Variants in IQANK1 observed in about 807,000 individuals in gnomAD.
The protein encoded by IQANK1 is IQ motif and ankyrin repeat domain-containing protein 1.
In IQANK1, 30 loss-of-function variants were observed where a neutral mutation model predicts 22.6. The observed-to-expected ratio is 1.33, with a 90% confidence interval of 0.99 to 1.80. The LOEUF (loss-of-function observed/expected upper bound fraction) is 1.80. Among genes scored for constraint, IQANK1 ranks in the 40% most tolerant of loss-of-function variants. IQANK1 has a pLI of 0.00. For missense variants in IQANK1, 275 were observed against 235.2 expected (o/e 1.17, Z -1.11); for synonymous variants, 122 against 99.6 (o/e 1.23, Z -1.34).
chr8:143,749,989 ATTTTAT>A (rs1309410654), intron 3 of IQANK1, among the ~76,000 whole-genome samples: 2 of 150,232 alleles, frequency 1.3e-5, no homozygotes, highest in African/African-American at 2.4e-5. Flanking sequence ...TTTTTTTTAA[ATTTTAT>A]TTTTATTTTT....
At chr8:143,772,332 C>A in intron 6 of IQANK1, 25 bp from the exon 7 acceptor site, 1 of 398,912 alleles carries the variant, frequency 2.5e-6, no homozygotes, top group East Asian at 3.6e-5. Context: ...AGGCCTGGAT[C>A]TTGCTCGGGG....
intron 7 of IQANK1, among the ~76,000 whole-genome samples, chr8:143,785,586 G>T (rs1554631275): frequency 1.3e-5 from 2 of 151,770 alleles, no homozygotes; most frequent in African/African-American, 2.4e-5. Context: ...TTGAGACAGG[G>T]TCTTGCTCTG....
chr8:143,741,216 C>G (rs1311909652), intron 3 of IQANK1, among the ~76,000 whole-genome samples: 1 of 152,212 alleles, frequency 6.6e-6, no homozygotes, highest in African/African-American at 2.4e-5. Flanking sequence ...TAGCCTTCCT[C>G]CAGGACAGCC....
At chr8:143,748,985 A>ATT (rs1819119150) in intron 3 of IQANK1, among the ~76,000 whole-genome samples, 2 of 111,938 alleles carry the variant, frequency 1.8e-5, no homozygotes, top group South Asian at 5.4e-4. Context: ...AATATATCAT[A>ATT]TATAAATATA....
chr8:143,767,212 G>A (rs1819496119), intron 3 of IQANK1, among the ~76,000 whole-genome samples: 1 of 152,222 alleles, frequency 6.6e-6, no homozygotes, highest in African/African-American at 2.4e-5. Flanking sequence ...AACTTCATTA[G>A]GATTTCGTTG....
intron 3 of IQANK1, among the ~76,000 whole-genome samples, chr8:143,757,126 G>A (rs1410245017): frequency 2.0e-5 from 3 of 152,186 alleles, no homozygotes; most frequent in Non-Finnish European, 4.4e-5. Context: ...GATCTATTGG[G>A]ACACAAGGCT....
chr8:143,762,295 G>A (rs1396251927), intron 3 of IQANK1, among the ~76,000 whole-genome samples: 2 of 144,576 alleles, frequency 1.4e-5, no homozygotes, highest in Admixed American at 6.9e-5. Flanking sequence ...GGCAACAAGA[G>A]TGAAACTCCA....
chr8:143,768,243 G>A (rs531565168), intron 3 of IQANK1, among the ~76,000 whole-genome samples: 1 of 151,970 alleles, frequency 6.6e-6, no homozygotes, highest in Non-Finnish European at 1.5e-5. Flanking sequence ...TGTTTTTGAC[G>A]TACATCATGT....
chr8:143,789,464 G>T lies in IQANK1; in HGVS notation c.1022G>T (p.Arg341Leu), dbSNP rs573906713. The T allele has an allele frequency of 4.9e-6, 6 of 1,232,204 alleles. No homozygotes were observed. The African/African-American group carries it at 7.7e-5, about 16-fold the overall frequency. The allele number at this position is 1,232,204 out of a possible 1,614,324, so 76.3% of individuals were successfully genotyped here. A position where few individuals can be genotyped will look rare whatever the true frequency, so the allele number is the denominator to read the frequency against. The change falls in exon 10 of 14, where the codon CGG becomes CTG. Residue 341 changes from arginine to leucine, a missense_variant. Physicochemically the swap from Arg to Leu is moderately radical, Grantham distance 102 (BLOSUM62 -2). Transcript: ENST00000527139. ...CAACAGGCCTACTGTGAGCTTAGCC[G>T]GAGGATCTCAGAGCACGACCAGTGT... ...ELQQAYCELS[R>L]RISEHDQCEW...
At chr8:143,737,780 A>G (rs532173204) in intron 2 of IQANK1, among the ~76,000 whole-genome samples, 1 of 152,170 alleles carries the variant, frequency 6.6e-6, no homozygotes, top group African/African-American at 2.4e-5. Flanking sequence ...CTCCTCCTGT[A>G]GCTGCTGCAG....
At chr8:143,780,472 T>G (rs1819777507) in intron 7 of IQANK1, among the ~76,000 whole-genome samples, 1 of 152,052 alleles carries the variant, frequency 6.6e-6, no homozygotes, top group Non-Finnish European at 1.5e-5. Context: ...CCCTCCCTCC[T>G]CCCACCCTCC....
chr8:143,751,664 G>GTGTATATATATATATATATATA lies in IQANK1; in HGVS notation c.175+11717_175+11718insGTATATATATATATATATATAT, dbSNP rs370428606. On this transcript the variant is annotated intron_variant, in intron 3 of 13. Coordinates refer to ENST00000527139, the MANE Select transcript of IQANK1 (RefSeq NM_001381874.1). The stretch of plus-strand genomic sequence containing the variant: ...TGTGTGTGTGTGTGTGTGTGTGTGT[G>GTGTATATATATATATATATATA]TATATATATATATAAAATCCTATAC... 7.4e-3 allele frequency among the ~76,000 whole-genome samples: 455 copies of GTGTATATATATATATATATATA among 61,472 alleles called. 6 individuals are homozygous for GTGTATATATATATATATATATA. Among genetic ancestry groups the GTGTATATATATATATATATATA allele is most frequent in the South Asian group, 0.015 (21 of 1,424 alleles). The allele number at this position is 61,472 out of a possible 152,430, so 40.3% of individuals were successfully genotyped here. A position where few individuals can be genotyped will look rare whatever the true frequency, so the allele number is the denominator to read the frequency against.
At chr8:143,751,114 A>T (rs1446365258) in intron 3 of IQANK1, among the ~76,000 whole-genome samples, 1 of 152,124 alleles carries the variant, frequency 6.6e-6, no homozygotes, top group Non-Finnish European at 1.5e-5. Flanking sequence ...AACTTCAACG[A>T]CATAAAAAAC....
chr8:143,753,846 A>G (rs959699700), intron 3 of IQANK1, among the ~76,000 whole-genome samples: 1 of 152,144 alleles, frequency 6.6e-6, no homozygotes, highest in Non-Finnish European at 1.5e-5. Flanking sequence ...ACTTCTGTTG[A>G]AAACTGGACA....
chr8:143,788,469 C>A (rs1819936593), intron 7 of IQANK1, among the ~76,000 whole-genome samples: 1 of 152,174 alleles, frequency 6.6e-6, no homozygotes, highest in Non-Finnish European at 1.5e-5. Flanking sequence ...GGGATTGTGT[C>A]CTGCAGGCAG....
At chr8:143,749,251 T>TATATATGATATAAATGTATATATAA (rs1819129610) in intron 3 of IQANK1, among the ~76,000 whole-genome samples, 2 of 123,866 alleles carry the variant, frequency 1.6e-5, no homozygotes, top group African/African-American at 6.6e-5. Flanking sequence ...TCATATATGT[T>TATATATGATATAAATGTATATATAA]ATATATGATA....
rs373126507 is a variant in IQANK1, at chr8:143,739,655, G to A, written c.86-204G>A. 5.9e-5 allele frequency among the ~76,000 whole-genome samples: 9 copies of A among 152,330 alleles called. No homozygotes were observed. In the South Asian group the frequency reaches 1.9e-3, roughly 32 times the overall value. On this transcript the variant is annotated intron_variant, in intron 2 of 13. Transcript: ENST00000527139. ...TGGCTCTCGCCTGTGCCTCCCTGAG[G>A]CCCCCTGTGCAGTGGAGTATGTGCT...
intron 7 of IQANK1, among the ~76,000 whole-genome samples, chr8:143,775,818 A>ACACACC (rs1251618012): frequency 1.4e-5 from 2 of 147,782 alleles, no homozygotes; most frequent in Non-Finnish European, 3.0e-5. Context: ...ACACACACAC[A>ACACACC]CACACCATTC....
Position 143,790,019 on chromosome 8 carries a change from A to G in IQANK1, c.1244A>G (p.Asp415Gly). ...AAGTGCCAGGTCACCGAGCTGCACG[A>G]TGTGCTGATGAAAGATGTAGGCAAC... ...GLKCQVTELH[D>G]VLMKDVGNRI... The change falls in exon 12 of 14, where the codon GAT becomes GGT. Residue 415 changes from aspartate (D) to glycine (G), a missense_variant. Transcript: ENST00000527139. 1 of 1,232,060 alleles carries G rather than the reference A, an allele frequency of 8.1e-7. No homozygotes were observed. Among genetic ancestry groups the G allele is most frequent in the Non-Finnish European group, 1.0e-6 (1 of 987,996 alleles). The allele number at this position is 1,232,060 out of a possible 1,614,324, so 76.3% of individuals were successfully genotyped here. A position where few individuals can be genotyped will look rare whatever the true frequency, so the allele number is the denominator to read the frequency against.
Sources: allele counts gnomAD v4.1 joint callset (sites outside exome capture counted in the v4.1 genomes callset), GRCh38; gene constraint gnomAD v4.1.1; transcripts MANE v1.5; gene names NCBI Gene and HGNC (gene_info 2026-07-23, HGNC 2026-07-21).